FFAR4: variants seen among roughly 807,000 people sequenced by gnomAD.
The protein encoded by FFAR4 is free fatty acid receptor 4.
FFAR4 carries 19 observed loss-of-function variants against 27.0 expected under a neutral mutation model. That is an observed-to-expected ratio of 0.70 (90% confidence interval 0.49 to 1.03). FFAR4 has a LOEUF of 1.03. Among genes scored for constraint, FFAR4 ranks in the 50% least tolerant of loss-of-function variants. The pLI is 0.00. For missense variants in FFAR4, 476 were observed against 479.0 expected, an observed-to-expected ratio of 0.99 and a Z score of 0.06; for synonymous variants, 254 against 215.6, an observed-to-expected ratio of 1.18 and a Z score of -1.56.
At position 93,582,121 on chromosome 10, in the gene FFAR4, C is replaced by T. The variant is rs532632930; in HGVS notation, c.697-5099C>T. On this transcript the variant is annotated intron_variant, in intron 2 of 2. Transcript: ENST00000371481. ...GAAATCCTGGATCAATGTTAATTAT[C>T]TTTGACATCTAGCATGGGGAGAGGA... is the stretch of plus-strand genomic sequence containing the variant. Among the ~76,000 whole-genome samples, 5 of 152,266 alleles carry T rather than the reference C, an allele frequency of 3.3e-5. No homozygotes were observed. The South Asian group carries it at 1.0e-3, about 32-fold the overall frequency.
chr10:93,568,435 C>T (rs909790492), intron 1 of FFAR4, among the ~76,000 whole-genome samples: 6 of 152,210 alleles, frequency 3.9e-5, no homozygotes, highest in African/African-American at 9.6e-5. Flanking sequence ...CTTAAGCTCC[C>T]TCTCCACCTA....
At position 93,586,178 on chromosome 10, in the gene FFAR4, G is replaced by A. The variant is rs188297824; in HGVS notation, c.697-1042G>A. Among the ~76,000 whole-genome samples, 289 of 152,280 alleles carry A rather than the reference G, an allele frequency of 1.9e-3. 1 individual carries two copies. The highest frequency in any genetic ancestry group is 3.3e-3 in the Non-Finnish European group (226 of 68,018). On this transcript the variant is annotated intron_variant, in intron 2 of 2. Coordinates refer to ENST00000371481, the MANE Select transcript of FFAR4 (RefSeq NM_001195755.2). The stretch of plus-strand genomic sequence containing the variant: ...TCCCATAATGTCACGGGAGGAACCC[G>A]GTGGGAGGTAATTGAATCATGGGGA...
intron 1 of FFAR4, among the ~76,000 whole-genome samples, chr10:93,574,222 A>G (rs2058148886): frequency 6.6e-6 from 1 of 152,166 alleles, no homozygotes; most frequent in Non-Finnish European, 1.5e-5. Context: ...TACTGTAGAG[A>G]GAACACCTTG....
rs895063191 is a variant in FFAR4, at chr10:93,570,971, G to C, written c.567+3684G>C. On this transcript the variant is annotated intron_variant, in intron 1 of 2. Coordinates refer to ENST00000371481, the MANE Select transcript of FFAR4 (RefSeq NM_001195755.2). ...TTACCGGATCATCATGGGCACTCATGTTCAGTAAATGGGCCAACACCTGGC... is the reference window on the plus strand; with the variant it reads ...TTACCGGATCATCATGGGCACTCATCTTCAGTAAATGGGCCAACACCTGGC... Among the ~76,000 whole-genome samples, 7 of 152,172 alleles carry C rather than the reference G, an allele frequency of 4.6e-5. No homozygotes were observed. In the South Asian group the frequency reaches 1.4e-3, roughly 31 times the overall value.
At chr10:93,586,531 A>G (rs907875646) in intron 2 of FFAR4, among the ~76,000 whole-genome samples, 3 of 152,208 alleles carry the variant, frequency 2.0e-5, no homozygotes, top group Non-Finnish European at 4.4e-5. Context: ...AACAAGGCCA[A>G]AGAAATAAAA....
intron 2 of FFAR4, among the ~76,000 whole-genome samples, chr10:93,582,789 C>G (rs908652342): frequency 2.0e-5 from 3 of 152,096 alleles, no homozygotes; most frequent in Admixed American, 1.3e-4. Context: ...CAGAAAAGAG[C>G]TTTAGTTGAC....
At position 93,587,288 on chromosome 10, in the gene FFAR4, G is replaced by A; in HGVS notation, c.765G>A (p.Val255=). ...ACTCGGAGAGCCACCAGATCCGCGT[G>A]TCCCAGCAGGACTTCCGGCTCTTCC... ...LAYSESHQIR[V]SQQDFRLFRT... The change falls in exon 3 of 3, where the codon GTG becomes GTA. Residue 255 remains valine, a synonymous_variant. Transcript: ENST00000371481. 6.2e-7 allele frequency: 1 copy of A among 1,614,118 alleles called. No homozygotes were observed. The highest frequency in any genetic ancestry group is 2.2e-5 in the East Asian group (1 of 44,872).
intron 1 of FFAR4, among the ~76,000 whole-genome samples, chr10:93,568,828 G>A (rs2058115376): frequency 1.3e-5 from 2 of 152,154 alleles, no homozygotes; most frequent in African/African-American, 2.4e-5. Context: ...GTTTGTTTAT[G>A]AGCTTGAATG....
chr10:93,586,015 C>T (rs2058224827), intron 2 of FFAR4, among the ~76,000 whole-genome samples: 1 of 152,240 alleles, frequency 6.6e-6, no homozygotes, highest in Non-Finnish European at 1.5e-5. Flanking sequence ...CCAGTGCTCC[C>T]TTCTGCCTGG....
At chr10:93,574,122 C>T (rs1274577883) in intron 1 of FFAR4, among the ~76,000 whole-genome samples, 1 of 151,916 alleles carries the variant, frequency 6.6e-6, no homozygotes, top group Non-Finnish European at 1.5e-5. Flanking sequence ...TGTTGGATGG[C>T]CATATACTCA....
intron 1 of FFAR4, among the ~76,000 whole-genome samples, chr10:93,573,312 A>G (rs1486677944): frequency 6.6e-6 from 1 of 152,216 alleles, no homozygotes; most frequent in Non-Finnish European, 1.5e-5. Context: ...ACTCAGTAAC[A>G]AGGCAGGCCT....
At chr10:93,583,185 G>A (rs1458139102) in intron 2 of FFAR4, among the ~76,000 whole-genome samples, 3 of 149,858 alleles carry the variant, frequency 2.0e-5, no homozygotes, top group East Asian at 4.0e-4. Flanking sequence ...GGTGGATCAC[G>A]AGGTCAGGAG....
In FFAR4 at chr10:93,567,024, G is replaced by T; in HGVS notation, c.304G>T (p.Glu102Ter). 1.9e-6 allele frequency: 3 copies of T among 1,611,772 alleles called. No homozygotes were observed. Among genetic ancestry groups the T allele is most frequent in the Non-Finnish European group, 2.5e-6 (3 of 1,179,862 alleles). ...TCTGGTGCTGGCCGTGCGCTGGACTGAGGCCTGGCTGCTGGGCCCCGTTGC... is the reference window on the plus strand; with the variant it reads ...TCTGGTGCTGGCCGTGCGCTGGACTTAGGCCTGGCTGCTGGGCCCCGTTGC... ...IPLVLAVRWT[E>*]AWLLGPVACH... The change falls in exon 1 of 3, where the codon GAG (glutamate) becomes TAG (stop). Residue 102 changes from glutamate to a stop codon, truncating the protein, a stop_gained. Coordinates refer to ENST00000371481, the MANE Select transcript of FFAR4 (RefSeq NM_001195755.2). LOFTEE classifies it high-confidence loss of function.
Position 93,587,409 on chromosome 10 carries a change from C to A in FFAR4, c.886C>A (p.Leu296Met). Reference sequence around the variant, plus strand: ...CCTGATCCAGAACTTCAAGCAAGACCTGGTCATCTGGCCGTCCCTCTTCTT... The same window carrying A: ...CCTGATCCAGAACTTCAAGCAAGACATGGTCATCTGGCCGTCCCTCTTCTT... ...LILIQNFKQD[L>M]VIWPSLFFWV... The change falls in exon 3 of 3, where the codon CTG (leucine) becomes ATG (methionine). Residue 296 changes from leucine (L) to methionine (M), a missense_variant. Transcript: ENST00000371481. 1 of 1,614,026 alleles carries A rather than the reference C, an allele frequency of 6.2e-7. No homozygotes were observed. The highest frequency in any genetic ancestry group is 8.5e-7 in the Non-Finnish European group (1 of 1,179,994).
chr10:93,587,867 CCT>C lies in FFAR4; in HGVS notation c.*259_*260del. 1 of 363,716 alleles carries C rather than the reference CCT, an allele frequency of 2.7e-6. No homozygotes were observed. Among genetic ancestry groups the C allele is most frequent in the South Asian group, 3.2e-5 (1 of 31,048 alleles). 22.5% of individuals were successfully genotyped at this position (363,716 alleles called of 1,614,324 possible). ...TTGGGAGGCTGAGGTGGGTGGATCACCTGAGGTCAGGAGTTCGAGACCAACCT... is the reference window on the plus strand; with the variant it reads ...TTGGGAGGCTGAGGTGGGTGGATCACGAGGTCAGGAGTTCGAGACCAACCT... On this transcript the variant is annotated 3_prime_UTR_variant, in exon 3 of 3. Coordinates refer to ENST00000371481, the MANE Select transcript of FFAR4 (RefSeq NM_001195755.2).
intron 2 of FFAR4, 32 bp from the exon 3 acceptor site, chr10:93,587,188 T>A: frequency 3.2e-6 from 5 of 1,584,518 alleles, no homozygotes; most frequent in Non-Finnish European, 4.3e-6. Context: ...CTCGGTCACC[T>A]GTGGCTCCAG....
At position 93,588,737 on chromosome 10, in the gene FFAR4, G is replaced by T. The variant is rs2058245585; in HGVS notation, c.*1128G>T. ...GTCTTGCTCCAATGCCCAGGCTGGA[G>T]TGCAACGGCACAATCACGGCTCCCT... is the stretch of plus-strand genomic sequence containing the variant. On this transcript the variant is annotated 3_prime_UTR_variant, in exon 3 of 3. Transcript: ENST00000371481. The T allele has an allele frequency of 6.6e-6, 1 of 152,260 alleles. No homozygotes were observed. Among genetic ancestry groups the T allele is most frequent in the Non-Finnish European group, 1.5e-5 (1 of 68,054 alleles). The allele number at this position is 152,260 out of a possible 1,614,324, so 9.4% of individuals were successfully genotyped here.
chr10:93,567,390 T>A, intron 1 of FFAR4, 103 bp downstream of exon 1: 1 of 963,810 alleles, frequency 1.0e-6, no homozygotes, highest in South Asian at 1.6e-5. Context: ...ACAATAGCCA[T>A]TTATTGCACT....
Position 93,587,439 on chromosome 10 carries a change from G to A in FFAR4, c.916G>A (p.Val306Met), listed in dbSNP as rs372629382. ...CATCTGGCCGTCCCTCTTCTTCTGG[G>A]TGGTGGCCTTCACATTTGCTAATTC... ...LVIWPSLFFW[V>M]VAFTFANSAL... Residue 306 changes from valine (V) to methionine (M), a missense_variant, in exon 3 of 3, where the codon GTG becomes ATG. Coordinates refer to ENST00000371481, the MANE Select transcript of FFAR4 (RefSeq NM_001195755.2). 76 of 1,613,902 alleles carry A rather than the reference G, an allele frequency of 4.7e-5. No homozygotes were observed. Among genetic ancestry groups the A allele is most frequent in the Middle Eastern group, 1.6e-4 (1 of 6,084 alleles).
Sources: allele counts gnomAD v4.1 joint callset (sites outside exome capture counted in the v4.1 genomes callset), GRCh38; gene constraint gnomAD v4.1.1; transcripts MANE v1.5; gene names NCBI Gene and HGNC (gene_info 2026-07-23, HGNC 2026-07-21).